AFF3: variants seen among roughly 807,000 people sequenced by gnomAD.
AFF3 encodes the protein AF4/FMR2 family member 3.
AFF3 carries 32 observed loss-of-function variants against 129.7 expected under a neutral mutation model. The ratio of observed to expected loss-of-function variants is 0.25; its 90% CI spans 0.19 to 0.33. The LOEUF is 0.33. Among genes scored for constraint, AFF3 ranks in the 10% least tolerant of loss-of-function variants. The pLI is 1.00. For synonymous variants in AFF3, 644 were observed against 635.4 expected, an observed-to-expected ratio of 1.01 and a Z score of -0.20; for missense variants, 1,373 against 1,592.0, an observed-to-expected ratio of 0.86 and a Z score of 2.34.
intron 8 of AFF3, among the ~76,000 whole-genome samples, chr2:99,782,365 G>C (rs1403942414): frequency 6.6e-6 from 1 of 152,126 alleles, no homozygotes; most frequent in African/African-American, 2.4e-5. Context: ...AGAGTAGAAG[G>C]AACAGAACTC....
intron 16 of AFF3, among the ~76,000 whole-genome samples, chr2:99,586,287 T>C (rs1185722325): frequency 6.6e-6 from 1 of 152,204 alleles, no homozygotes; most frequent in Non-Finnish European, 1.5e-5. Context: ...CCCTCCCTCC[T>C]GCTCAGACCC....
At chr2:99,584,644 A>T (rs1677915245) in intron 16 of AFF3, among the ~76,000 whole-genome samples, 2 of 152,310 alleles carry the variant, frequency 1.3e-5, no homozygotes, top group Admixed American at 1.3e-4. Flanking sequence ...TTTGCAATGT[A>T]TATTATATTG....
intron 19 of AFF3, among the ~76,000 whole-genome samples, chr2:99,567,227 G>T (rs1676059448): frequency 6.7e-6 from 1 of 150,328 alleles, no homozygotes; most frequent in Non-Finnish European, 1.5e-5. Context: ...TGATCCACCT[G>T]CCTTAGCCTC....
At chr2:99,644,594 T>A (rs75197073) in intron 13 of AFF3, among the ~76,000 whole-genome samples, 2,115 of 152,342 alleles carry the variant, frequency 0.014, 27 homozygotes, top group South Asian at 0.039. Flanking sequence ...AACTTCTTAG[T>A]CCTGGCAATT....
chr2:99,690,177 T>C (rs573913996), intron 11 of AFF3, among the ~76,000 whole-genome samples: 174 of 142,198 alleles, frequency 1.2e-3, no homozygotes, highest in African/African-American at 4.5e-3. Context: ...ATTATTATTA[T>C]TATTATTATT....
chr2:99,756,950 C>G (rs969053828), intron 8 of AFF3, among the ~76,000 whole-genome samples: 1 of 152,212 alleles, frequency 6.6e-6, no homozygotes, highest in Non-Finnish European at 1.5e-5. Context: ...AGAAGCAGCC[C>G]TGACATAACT....
intron 7 of AFF3, among the ~76,000 whole-genome samples, chr2:99,896,494 T>C (rs1246422625): frequency 1.3e-5 from 2 of 152,030 alleles, no homozygotes; most frequent in Non-Finnish European, 2.9e-5. Context: ...CCTGATGCCT[T>C]TTGCATGAAC....
chr2:99,729,160 A>G, intron 10 of AFF3, among the ~76,000 whole-genome samples: 1 of 152,230 alleles, frequency 6.6e-6, no homozygotes, highest in East Asian at 1.9e-4. Flanking sequence ...GAAGAATGTA[A>G]AACAGCAGGC....
At chr2:99,588,796 C>T (rs917375705) in intron 15 of AFF3, among the ~76,000 whole-genome samples, 2 of 152,166 alleles carry the variant, frequency 1.3e-5, no homozygotes, top group Non-Finnish European at 2.9e-5. Flanking sequence ...ATTTGACAGC[C>T]AGGTCTATGG....
intron 7 of AFF3, among the ~76,000 whole-genome samples, chr2:99,965,964 T>C (rs1677701501): frequency 6.6e-6 from 1 of 152,222 alleles, no homozygotes; most frequent in Admixed American, 6.5e-5. Context: ...AAATATACTA[T>C]ACATGAGATT....
chr2:99,965,767 T>C (rs1274756133), intron 7 of AFF3, among the ~76,000 whole-genome samples: 2 of 152,320 alleles, frequency 1.3e-5, no homozygotes, highest in East Asian at 1.9e-4. Flanking sequence ...ACCACTGAAA[T>C]GGCACCAACC....
chr2:100,105,022 C>G (rs933206895), intron 3 of AFF3: 1 of 150,234 alleles, frequency 6.7e-6, no homozygotes, highest in African/African-American at 2.5e-5. Context: ...GCTTTTACGG[C>G]CCGCCCGCCC....
At chr2:99,626,442 C>T (rs1682572825) in intron 13 of AFF3, among the ~76,000 whole-genome samples, 1 of 107,196 alleles carries the variant, frequency 9.3e-6, no homozygotes, top group Admixed American at 9.4e-5. Context: ...CCTCCCTCTC[C>T]TTCCCTTCCC....
At chr2:99,649,504 G>T in intron 13 of AFF3, 122 bp downstream of exon 13, 1 of 1,111,596 alleles carries the variant, frequency 9.0e-7, no homozygotes, top group Non-Finnish European at 1.3e-6. Flanking sequence ...CATGCAAAAT[G>T]TTTAACATCC....
rs375238221 is a variant in AFF3, at chr2:100,140,957, G to A, written c.-228+1527C>T. ...CTTACCATGTCCCTTCAAGTTTGATGGCTTAATTGTACAAAAGGTAGTGAT... is the reference window on the plus strand; with the variant it reads ...CTTACCATGTCCCTTCAAGTTTGATAGCTTAATTGTACAAAAGGTAGTGAT... On this transcript the variant is annotated intron_variant, in intron 1 of 24. Coordinates refer to ENST00000672756, the MANE Select transcript of AFF3 (RefSeq NM_001386135.1). Among the ~76,000 whole-genome samples, 7 of 151,188 alleles carry A rather than the reference G, an allele frequency of 4.6e-5. No homozygotes were observed. In the South Asian group the frequency reaches 8.5e-4, roughly 18 times the overall value.
chr2:99,639,260 T>C (rs1683962252), intron 13 of AFF3, among the ~76,000 whole-genome samples: 1 of 152,230 alleles, frequency 6.6e-6, no homozygotes, highest in Non-Finnish European at 1.5e-5. Context: ...TTCTGTTTTA[T>C]TGTGGAAATT....
intron 13 of AFF3, among the ~76,000 whole-genome samples, chr2:99,630,094 A>C (rs1682987790): frequency 6.6e-6 from 1 of 152,210 alleles, no homozygotes; most frequent in East Asian, 1.9e-4. Flanking sequence ...ACATCATGGA[A>C]GGGTGAGCTC....
At chr2:99,851,687 A>AAC (rs1690154659) in intron 7 of AFF3, among the ~76,000 whole-genome samples, 1 of 152,184 alleles carries the variant, frequency 6.6e-6, no homozygotes, top group Non-Finnish European at 1.5e-5. Context: ...CAGAAACTCT[A>AAC]ATATCTATAA....
intron 8 of AFF3, among the ~76,000 whole-genome samples, chr2:99,792,425 T>C (rs1685258937): frequency 2.0e-5 from 3 of 152,160 alleles, no homozygotes; most frequent in Admixed American, 6.5e-5. Flanking sequence ...TGAGCCGTGA[T>C]TGAGCTGCTG....
Sources: gnomAD v4.1 joint callset for allele counts (sites outside exome capture counted in the v4.1 genomes callset) on GRCh38, gnomAD v4.1.1 for gene constraint, MANE v1.5 for transcripts, NCBI Gene and HGNC (gene_info 2026-07-23, HGNC 2026-07-21) for gene names.